WDR93: variants seen among roughly 807,000 people sequenced by gnomAD.
WDR93 encodes WD repeat domain 93, also known as WD repeat-containing protein 93.
A neutral mutation model predicts 82.9 loss-of-function variants in WDR93; 73 were observed. That is an observed-to-expected ratio of 0.88 (90% CI 0.73 to 1.07). The LOEUF (loss-of-function observed/expected upper bound fraction) is 1.07, where lower values mean the gene tolerates loss of function less well. Ranked by LOEUF, WDR93 falls within the 50% of genes least tolerant of loss-of-function variation. The pLI, the probability that WDR93 is intolerant of heterozygous loss-of-function variation, is 0.00. For missense variants in WDR93, 738 were observed against 826.0 expected (o/e 0.89, Z 1.31); for synonymous variants, 283 against 300.1 (o/e 0.94, Z 0.59).
intron 1 of WDR93, among the ~76,000 whole-genome samples, chr15:89,693,934 G>T (rs750617148): frequency 6.6e-6 from 1 of 152,190 alleles, no homozygotes; most frequent in Non-Finnish European, 1.5e-5. Context: ...CTAAGATGGA[G>T]TTGCTTTGGC....
chr15:89,722,847 G>A (rs1239029667), intron 8 of WDR93, among the ~76,000 whole-genome samples: 4 of 121,484 alleles, frequency 3.3e-5, no homozygotes, highest in Admixed American at 7.6e-5. Flanking sequence ...TAGTAGTTAC[G>A]ATTAAAAAAA....
chr15:89,738,667 G>A (rs901015604), intron 16 of WDR93, among the ~76,000 whole-genome samples: 2 of 151,274 alleles, frequency 1.3e-5, no homozygotes, highest in African/African-American at 2.4e-5. Flanking sequence ...TAAGTGAAGG[G>A]TTCTACCCCA....
intron 8 of WDR93, among the ~76,000 whole-genome samples, 187 bp from the exon 9 acceptor site, chr15:89,726,970 G>T (rs1485193419): frequency 6.6e-6 from 1 of 152,190 alleles, no homozygotes; most frequent in East Asian, 1.9e-4. Context: ...TCTCTGCCTG[G>T]GCTCTGTGAG....
At chr15:89,714,887 G>A (rs1966172728) in intron 5 of WDR93, 93 bp from the exon 6 acceptor site, 7 of 1,060,234 alleles carry the variant, frequency 6.6e-6, no homozygotes, top group Non-Finnish European at 9.7e-6. Context: ...TGGTCTCTTT[G>A]CCAGCAGTTC....
chr15:89,694,313 C>T (rs190337086), intron 1 of WDR93, among the ~76,000 whole-genome samples: 7 of 148,702 alleles, frequency 4.7e-5, no homozygotes, highest in African/African-American at 1.2e-4. Flanking sequence ...TGCAGTGGCA[C>T]GATCTCGGCT....
chr15:89,734,266 G>T (rs763479822), intron 13 of WDR93, among the ~76,000 whole-genome samples: 1 of 152,154 alleles, frequency 6.6e-6, no homozygotes, highest in Non-Finnish European at 1.5e-5. Flanking sequence ...AATTTGGACT[G>T]GACTCAGTCC....
intron 15 of WDR93, 123 bp downstream of exon 15, chr15:89,737,852 G>A: frequency 7.0e-7 from 1 of 1,429,290 alleles, no homozygotes; most frequent in Non-Finnish European, 9.5e-7. Context: ...AGGCCAAAGG[G>A]TACCGCAGCT....
At chr15:89,700,970 A>G (rs763907720) in intron 1 of WDR93, among the ~76,000 whole-genome samples, 41 of 110,002 alleles carry the variant, frequency 3.7e-4, no homozygotes, top group Admixed American at 6.9e-4. Context: ...ATGCATATAT[A>G]TGTGTGTGTA....
At chr15:89,711,519 G>A (rs1180994993) in intron 4 of WDR93, among the ~76,000 whole-genome samples, 3 of 106,576 alleles carry the variant, frequency 2.8e-5, no homozygotes, top group Admixed American at 8.8e-5. Flanking sequence ...AAAAATTAGC[G>A]AGTCTCAAAA....
chr15:89,714,223 T>TCAGTG (rs1966137917), intron 5 of WDR93: 1 of 152,238 alleles, frequency 6.6e-6, no homozygotes, highest in Admixed American at 6.5e-5. Flanking sequence ...AGGCAAAATG[T>TCAGTG]CAGTGGATGT....
intron 1 of WDR93, among the ~76,000 whole-genome samples, chr15:89,698,752 A>T (rs952843799): frequency 2.0e-5 from 3 of 151,280 alleles, no homozygotes; most frequent in Non-Finnish European, 2.9e-5. Flanking sequence ...CTACATTTTT[A>T]TTTTTTTGTT....
At chr15:89,740,148 G>C (rs1436824435) in intron 16 of WDR93, among the ~76,000 whole-genome samples, 1 of 152,202 alleles carries the variant, frequency 6.6e-6, no homozygotes, top group African/African-American at 2.4e-5. Flanking sequence ...GGCACAGAGT[G>C]GTTGCTCAGT....
At chr15:89,720,939 T>G (rs1596099979) in intron 7 of WDR93, among the ~76,000 whole-genome samples, 1 of 132,490 alleles carries the variant, frequency 7.5e-6, no homozygotes. Flanking sequence ...AGATTGTAGA[T>G]TTATCTTTTT....
chr15:89,723,482 G>A (rs1966609912), intron 8 of WDR93, among the ~76,000 whole-genome samples: 1 of 152,082 alleles, frequency 6.6e-6, no homozygotes, highest in South Asian at 2.1e-4. Context: ...TGCCAAAGGC[G>A]AAGAATAGAC....
intron 16 of WDR93, among the ~76,000 whole-genome samples, chr15:89,741,692 T>C (rs1332017078): frequency 1.3e-5 from 2 of 152,176 alleles, no homozygotes; most frequent in Non-Finnish European, 2.9e-5. Flanking sequence ...TGAAGGAATT[T>C]CTCCAGTGTT....
At chr15:89,737,447 G>A (rs1967292061) in intron 14 of WDR93, 126 bp from the exon 15 acceptor site, 1 of 1,298,624 alleles carries the variant, frequency 7.7e-7, no homozygotes, top group Admixed American at 2.1e-5. Flanking sequence ...GGATCCAGAG[G>A]CTGGGGCCCA....
At chr15:89,707,149 G>A in intron 4 of WDR93, among the ~76,000 whole-genome samples, 1 of 152,260 alleles carries the variant, frequency 6.6e-6, no homozygotes, top group South Asian at 2.1e-4. Context: ...CAAAGAAGAT[G>A]TATGGAAGGC....
At chr15:89,740,001 G>A (rs182573959) in intron 16 of WDR93, among the ~76,000 whole-genome samples, 11 of 152,308 alleles carry the variant, frequency 7.2e-5, no homozygotes, top group Non-Finnish European at 1.3e-4. Context: ...CCTTGGGCGA[G>A]TTACTCAGCC....
chr15:89,722,006 A>C, intron 7 of WDR93, 49 bp from the exon 8 acceptor site: 1 of 1,247,554 alleles, frequency 8.0e-7, no homozygotes, highest in Admixed American at 2.2e-5. Context: ...TAATTATTCT[A>C]TTTCCTCTCT....
Sources: allele counts gnomAD v4.1 joint callset (sites outside exome capture counted in the v4.1 genomes callset), GRCh38; gene constraint gnomAD v4.1.1; transcripts MANE v1.5; gene names NCBI Gene and HGNC (gene_info 2026-07-23, HGNC 2026-07-21).